Variants in HCN1 observed in about 807,000 individuals in gnomAD.
The protein encoded by HCN1 is potassium/sodium hyperpolarization-activated cyclic nucleotide-gated channel 1.
In HCN1, 13 loss-of-function variants were observed where a neutral mutation model predicts 78.9. The observed-to-expected ratio is 0.16, with a 90% CI of 0.11 to 0.26. The LOEUF (loss-of-function observed/expected upper bound fraction) is 0.26. Among genes scored for constraint, HCN1 ranks in the 10% least tolerant of loss-of-function variants. The pLI is 1.00. For synonymous variants in HCN1, 552 were observed against 455.5 expected (o/e 1.21, Z -2.70); for missense variants, 810 against 1,154.3 (o/e 0.70, Z 4.32).
At chr5:45,347,373 C>A (rs1746765690) in intron 5 of HCN1, among the ~76,000 whole-genome samples, 1 of 152,098 alleles carries the variant, frequency 6.6e-6, no homozygotes, top group South Asian at 2.1e-4. Flanking sequence ...CTGTACATCA[C>A]CATCGTCAAA....
chr5:45,503,357 T>G (rs561818006), intron 2 of HCN1, among the ~76,000 whole-genome samples: 1 of 152,108 alleles, frequency 6.6e-6, no homozygotes, highest in African/African-American at 2.4e-5. Flanking sequence ...GGCAAATGAG[T>G]AGGTATCTCT....
At chr5:45,513,046 C>T (rs1742446245) in intron 2 of HCN1, among the ~76,000 whole-genome samples, 1 of 152,006 alleles carries the variant, frequency 6.6e-6, no homozygotes, top group African/African-American at 2.4e-5. Flanking sequence ...CATAAAAACA[C>T]AACATTATAA....
intron 2 of HCN1, among the ~76,000 whole-genome samples, chr5:45,463,058 G>A (rs1299486120): frequency 2.0e-5 from 3 of 151,894 alleles, no homozygotes; most frequent in African/African-American, 4.8e-5. Flanking sequence ...AATAACTTCA[G>A]ATATTTAGAA....
intron 5 of HCN1, among the ~76,000 whole-genome samples, chr5:45,346,946 A>G (rs1409556660): frequency 6.6e-6 from 1 of 152,228 alleles, no homozygotes; most frequent in Non-Finnish European, 1.5e-5. Context: ...GGGCACAGAC[A>G]AACAAAAAGA....
intron 2 of HCN1, among the ~76,000 whole-genome samples, chr5:45,484,438 A>C (rs1741718600): frequency 6.6e-6 from 1 of 152,150 alleles, no homozygotes. Flanking sequence ...CATCTTAAAA[A>C]AAAAAATCCG....
intron 1 of HCN1, among the ~76,000 whole-genome samples, chr5:45,654,232 C>A (rs528879430): frequency 6.6e-6 from 1 of 151,920 alleles, no homozygotes; most frequent in Non-Finnish European, 1.5e-5. Context: ...GGATACAGAC[C>A]GGAGCAGAAC....
chr5:45,398,079 A>G (rs1209129481), intron 3 of HCN1, among the ~76,000 whole-genome samples: 1 of 151,890 alleles, frequency 6.6e-6, no homozygotes, highest in Non-Finnish European at 1.5e-5. Context: ...ATTAGGGTCA[A>G]CTTCTGATAA....
At chr5:45,570,990 A>T (rs926454625) in intron 2 of HCN1, among the ~76,000 whole-genome samples, 25 of 152,292 alleles carry the variant, frequency 1.6e-4, no homozygotes, top group African/African-American at 5.8e-4. Context: ...TCACTTGATA[A>T]TTTAATACCT....
chr5:45,442,012 T>G (rs1302981708), intron 3 of HCN1, among the ~76,000 whole-genome samples: 2 of 152,184 alleles, frequency 1.3e-5, no homozygotes, highest in Non-Finnish European at 2.9e-5. Flanking sequence ...ATTTAACTTG[T>G]CTGTTGTTTG....
At chr5:45,612,550 T>C (rs1744858915) in intron 2 of HCN1, among the ~76,000 whole-genome samples, 1 of 152,166 alleles carries the variant, frequency 6.6e-6, no homozygotes, top group South Asian at 2.1e-4. Context: ...CATTAAATAT[T>C]GGTTTCCTGA....
At chr5:45,639,147 A>G (rs1393164433) in intron 2 of HCN1, among the ~76,000 whole-genome samples, 4 of 152,204 alleles carry the variant, frequency 2.6e-5, no homozygotes, top group Non-Finnish European at 5.9e-5. Context: ...TGAACTAGCC[A>G]AGCAAATAGA....
chr5:45,499,329 C>T (rs1248082599), intron 2 of HCN1, among the ~76,000 whole-genome samples: 4 of 152,180 alleles, frequency 2.6e-5, no homozygotes, highest in Admixed American at 6.5e-5. Context: ...GCGTAGTATT[C>T]GGGTGGGAGT....
chr5:45,508,263 G>T (rs922838692), intron 2 of HCN1, among the ~76,000 whole-genome samples: 1 of 151,984 alleles, frequency 6.6e-6, no homozygotes, highest in Non-Finnish European at 1.5e-5. Flanking sequence ...ATTCCCAAAG[G>T]CCACTGTATC....
intron 2 of HCN1, among the ~76,000 whole-genome samples, chr5:45,599,907 G>C (rs1744589533): frequency 6.6e-6 from 1 of 151,978 alleles, no homozygotes; most frequent in Non-Finnish European, 1.5e-5. Flanking sequence ...TCTTAACATG[G>C]AAGTTTCTTC....
intron 1 of HCN1, among the ~76,000 whole-genome samples, chr5:45,656,748 A>G (rs1379418741): frequency 6.6e-6 from 1 of 152,210 alleles, no homozygotes; most frequent in Non-Finnish European, 1.5e-5. Flanking sequence ...ATCTCAATTT[A>G]AAAAGTGTTA....
chr5:45,499,060 G>T (rs551262965), intron 2 of HCN1, among the ~76,000 whole-genome samples: 2 of 152,268 alleles, frequency 1.3e-5, no homozygotes, highest in South Asian at 4.1e-4. Flanking sequence ...GCCCCCAGAG[G>T]TGGAGCCTAC....
chr5:45,629,769 T>G (rs181396661), intron 2 of HCN1, among the ~76,000 whole-genome samples: 23 of 152,250 alleles, frequency 1.5e-4, no homozygotes, highest in African/African-American at 5.1e-4. Flanking sequence ...CCTATTGGTT[T>G]AGACAAAAAA....
chr5:45,399,754 G>A (rs1739756466), intron 3 of HCN1, among the ~76,000 whole-genome samples: 1 of 152,094 alleles, frequency 6.6e-6, no homozygotes, highest in Admixed American at 6.6e-5. Context: ...TGAAAGGATT[G>A]AGGTTCTTAA....
chr5:45,404,612 A>G (rs1044239465), intron 3 of HCN1, among the ~76,000 whole-genome samples: 1 of 142,342 alleles, frequency 7.0e-6, no homozygotes, highest in Non-Finnish European at 1.5e-5. Context: ...TGAGCTTTCT[A>G]TAGGCTTGAA....
Sources: allele counts gnomAD v4.1 joint callset (sites outside exome capture counted in the v4.1 genomes callset), GRCh38; gene constraint gnomAD v4.1.1; transcripts MANE v1.5; gene names NCBI Gene and HGNC (gene_info 2026-07-23, HGNC 2026-07-21).